Variants in CNGB1 observed in about 807,000 individuals in gnomAD.
CNGB1 encodes cyclic nucleotide-gated channel beta-1.
Under a neutral mutation model 151.7 loss-of-function variants are expected in CNGB1, and 126 were observed. The observed-to-expected ratio is 0.83, with a 90% confidence interval of 0.72 to 0.96. CNGB1 has a LOEUF of 0.96. Ranked by LOEUF, CNGB1 falls within the 40% of genes least tolerant of loss-of-function variation. The probability of loss-of-function intolerance (pLI) is 0.00; values close to 1 mark genes in which losing one functional copy is unlikely to be tolerated. For missense variants in CNGB1, 1,698 were observed against 1,627.0 expected (o/e 1.04, Z -0.75); for synonymous variants, 623 against 635.1 (o/e 0.98, Z 0.29).
chr16:57,941,302 G>A (rs1372191067), intron 14 of CNGB1, among the ~76,000 whole-genome samples: 1 of 152,238 alleles, frequency 6.6e-6, no homozygotes, highest in East Asian at 1.9e-4. Flanking sequence ...TCATCCAGGG[G>A]TTCACAGAGG....
chr16:57,965,124 ACTC>A (rs1962358561), intron 2 of CNGB1, among the ~76,000 whole-genome samples: 1 of 11,344 alleles, frequency 8.8e-5, no homozygotes, highest in Admixed American at 2.1e-3. Flanking sequence ...ATGTGTGCAT[ACTC>A]ACTCTCATGC....
Position 57,960,924 on chromosome 16 carries a change from G to A in CNGB1, c.459-9C>T, listed in dbSNP as rs1962238306. The stretch of plus-strand genomic sequence containing the variant: ...GCAGCCGCAGCCCAGGCCTGCAGAG[G>A]GGCCAGTGATCAGCAGAGTGCCCTG... On this transcript the variant is annotated splice_polypyrimidine_tract_variant and intron_variant, in intron 7 of 32. Coordinates refer to ENST00000251102, the MANE Select transcript of CNGB1 (RefSeq NM_001297.5). 2 of 1,613,930 alleles carry A rather than the reference G, an allele frequency of 1.2e-6. No individual in the cohort carries two copies. The highest frequency in any genetic ancestry group is 1.7e-6 in the Non-Finnish European group (2 of 1,179,978).
At chr16:57,931,683 C>A in intron 17 of CNGB1, 33 bp downstream of exon 17, 1 of 1,612,072 alleles carries the variant, frequency 6.2e-7, no homozygotes, top group African/African-American at 1.3e-5. Context: ...GGCACAGTGC[C>A]GAGAAAAGCC....
intron 7 of CNGB1, 116 bp from the exon 8 acceptor site, chr16:57,961,031 A>G: frequency 1.1e-6 from 1 of 897,880 alleles, no homozygotes; most frequent in Non-Finnish European, 1.8e-6. Context: ...CCTGTTCTGC[A>G]CAGTGGGGGC....
chr16:57,903,836 G>A lies in CNGB1; in HGVS notation c.2780C>T (p.Ser927Leu), dbSNP rs1229568395. Residue 927 changes from serine (S) to leucine (L), a missense_variant, in exon 27 of 33, where the codon TCG (serine) becomes TTG (leucine). By Grantham distance (145) the Ser-to-Leu change is moderately radical. Transcript: ENST00000251102. ...GACCATCTTACCCAGCATGCCTTGC[G>A]AGTGCCAGGTGTACTCGTACCAGGT... ...VKTWYEYTWH[S>L]QGMLDESELM... The A allele has an allele frequency of 6.8e-6, 11 of 1,614,150 alleles. No individual in the cohort carries two copies. In the East Asian group the frequency reaches 1.3e-4, roughly 20 times the overall value.
At chr16:57,901,059 T>TGTG (rs797010075) in intron 29 of CNGB1, among the ~76,000 whole-genome samples, 1 of 150,628 alleles carries the variant, frequency 6.6e-6, no homozygotes, top group African/African-American at 2.4e-5. Context: ...AAGGTGGAGT[T>TGTG]GGGGGGGGGG....
intron 17 of CNGB1, among the ~76,000 whole-genome samples, chr16:57,927,772 T>C (rs1448516699): frequency 6.6e-6 from 1 of 152,216 alleles, no homozygotes; most frequent in African/African-American, 2.4e-5. Context: ...GCCTTCATTG[T>C]TTCCCTGCCC....
intron 27 of CNGB1, among the ~76,000 whole-genome samples, chr16:57,903,313 G>A (rs1336231990): frequency 6.6e-6 from 1 of 151,334 alleles, no homozygotes; most frequent in East Asian, 1.9e-4. Context: ...CCAACATGGT[G>A]AAACCTCGTC....
chr16:57,948,301 TTTC>T lies in CNGB1; in HGVS notation c.1121+1049_1121+1051del, dbSNP rs201263297. 5.1e-4 allele frequency among the ~76,000 whole-genome samples: 73 copies of T among 142,336 alleles called. 1 individual carries two copies. The highest frequency in any genetic ancestry group is 4.4e-3 in the Admixed American group (61 of 13,960). 93.4% of individuals were successfully genotyped at this position (142,336 alleles called of 152,430 possible). On this transcript the variant is annotated intron_variant, in intron 14 of 32. Transcript: ENST00000251102. Reference sequence around the variant, plus strand: ...CAACCTGCTTTTGAGGCAGTCCTTCTTTCTTCTTCTTCTTCTTTTTTTTTTTTT... The same window carrying T: ...CAACCTGCTTTTGAGGCAGTCCTTCTTTCTTCTTCTTCTTTTTTTTTTTTT...
chr16:57,885,078 T>C (rs1159420160), intron 32 of CNGB1, among the ~76,000 whole-genome samples: 1 of 152,130 alleles, frequency 6.6e-6, no homozygotes. Flanking sequence ...CCACAAACGA[T>C]GGCCATGGTC....
In CNGB1 at chr16:57,923,311, C is replaced by T. The variant is rs1196496023; in HGVS notation, c.1605G>A (p.Val535=). The change falls in exon 18 of 33, where the codon GTG becomes GTA. Residue 535 remains valine (V), a synonymous_variant. Transcript: ENST00000251102. The part of the protein sequence containing the change: ...LKALSPAESP[V]VAWSDPTTPK... ...GGGTGGTGGGGTCAGACCAGGCAAC[C>T]ACTGGGGACTCTGCTGGTGACAACG... 4.3e-6 allele frequency: 7 copies of T among 1,613,500 alleles called. No homozygotes were observed. The highest frequency in any genetic ancestry group is 1.7e-5 in the Admixed American group (1 of 59,988).
At chr16:57,932,066 G>A (rs1316191990) in intron 16 of CNGB1, among the ~76,000 whole-genome samples, 188 bp from the exon 17 acceptor site, 1 of 152,182 alleles carries the variant, frequency 6.6e-6, no homozygotes, top group Non-Finnish European at 1.5e-5. Context: ...GGGGTCCTCT[G>A]AGGGTCACAG....
chr16:57,949,410 T>C lies in CNGB1; in HGVS notation c.1064A>G (p.Glu355Gly), dbSNP rs1357703032. 1 of 1,613,574 alleles carries C rather than the reference T, an allele frequency of 6.2e-7. No individual in the cohort carries two copies. Among genetic ancestry groups the C allele is most frequent in the Non-Finnish European group, 8.5e-7 (1 of 1,180,020 alleles). The change falls in exon 14 of 33, where the codon GAA becomes GGA. Residue 355 changes from glutamate to glycine, a missense_variant. Transcript: ENST00000251102. ...RELSRIEEEK[E>G]DEEEEEEEEE... The stretch of plus-strand genomic sequence containing the variant: ...CTCTTCCTCTTCCTCCTCCTCATCT[T>C]CTTTCTCCTCTTCAATCCGGGACAG...
At chr16:57,898,703 AC>A (rs1960301853) in intron 29 of CNGB1, among the ~76,000 whole-genome samples, 1 of 152,226 alleles carries the variant, frequency 6.6e-6, no homozygotes, top group Admixed American at 6.5e-5. Flanking sequence ...GGCATGAGCC[AC>A]TGTGCCCAGC....
chr16:57,954,749 G>C, intron 12 of CNGB1: 1 of 969,454 alleles, frequency 1.0e-6, no homozygotes, highest in Non-Finnish European at 1.2e-6. Context: ...CCCAAGCCTT[G>C]GAAGGAGAGA....
chr16:57,938,385 C>G (rs777468837), intron 16 of CNGB1, among the ~76,000 whole-genome samples: 17 of 152,192 alleles, frequency 1.1e-4, no homozygotes, highest in Non-Finnish European at 2.2e-4. Flanking sequence ...CACTTGGGTC[C>G]AGTCCCATTT....
chr16:57,969,100 G>T (rs1454874028), intron 1 of CNGB1, among the ~76,000 whole-genome samples: 5 of 152,156 alleles, frequency 3.3e-5, no homozygotes, highest in Non-Finnish European at 7.3e-5. Context: ...GAGGTCAGGA[G>T]TTCGAGATCA....
At chr16:57,904,639 C>G in intron 26 of CNGB1, 95 bp downstream of exon 26, 1 of 1,572,528 alleles carries the variant, frequency 6.4e-7, no homozygotes, top group East Asian at 2.2e-5. Flanking sequence ...AGGCTTAATC[C>G]AAAAGCAACG....
intron 17 of CNGB1, among the ~76,000 whole-genome samples, chr16:57,930,550 G>C (rs1341169537): frequency 1.8e-5 from 2 of 110,096 alleles, no homozygotes; most frequent in Non-Finnish European, 3.4e-5. Flanking sequence ...GGAGGGGAGA[G>C]AGAGGGGAAG....
Sources: gnomAD v4.1 joint callset for allele counts (sites outside exome capture counted in the v4.1 genomes callset) on GRCh38, gnomAD v4.1.1 for gene constraint, MANE v1.5 for transcripts, NCBI Gene and HGNC (gene_info 2026-07-23, HGNC 2026-07-21) for gene names.